The following OLFML2A variants were observed in gnomAD, a reference collection of about 807,000 sequenced individuals.
OLFML2A encodes the protein olfactomedin like 2A.
Under a neutral mutation model 60.9 loss-of-function variants are expected in OLFML2A, and 47 were observed. That is an observed-to-expected ratio of 0.77 (90% CI 0.61 to 0.98). OLFML2A has a LOEUF of 0.98. Ranked by LOEUF, OLFML2A falls within the 50% of genes least tolerant of loss-of-function variation. OLFML2A has a pLI of 0.00. For synonymous variants in OLFML2A, 372 were observed against 375.0 expected (o/e 0.99, Z 0.09); for missense variants, 922 against 879.8 (o/e 1.05, Z -0.61).
Position 124,801,581 on chromosome 9 carries a change from C to T in OLFML2A, c.837C>T (p.Arg279=), listed in dbSNP as rs374490177. ...GSFLQPTAKP[R]ALAQQQAVIR... ...TCCTCCAGCCCACAGCCAAGCCCCG[C>T]GCCCTGGCCCAGCAGCAGGCTGTGA... Residue 279 remains arginine (R), a synonymous_variant, in exon 5 of 8, where the codon CGC becomes CGT. Transcript: ENST00000373580. 6.4e-5 allele frequency: 104 copies of T among 1,613,994 alleles called. No homozygotes were observed. The Middle Eastern group carries it at 2.1e-3, about 33-fold the overall frequency.
At chr9:124,808,928 G>C (rs1363698721) in intron 7 of OLFML2A, among the ~76,000 whole-genome samples, 1 of 151,908 alleles carries the variant, frequency 6.6e-6, no homozygotes, top group Non-Finnish European at 1.5e-5. Flanking sequence ...GGCTGAGGTG[G>C]GCTGATCACT....
intron 6 of OLFML2A, among the ~76,000 whole-genome samples, chr9:124,804,893 G>A (rs565642337): frequency 4.2e-4 from 64 of 151,968 alleles, no homozygotes; most frequent in African/African-American, 1.5e-3. Flanking sequence ...ATTTTTAGTA[G>A]AGACAGGGTT....
intron 2 of OLFML2A, among the ~76,000 whole-genome samples, chr9:124,792,487 G>GC (rs1162499557): frequency 6.6e-6 from 1 of 152,218 alleles, no homozygotes; most frequent in Non-Finnish European, 1.5e-5. Flanking sequence ...AGACCAGGGT[G>GC]CCCCTTGGTC....
chr9:124,777,806 G>A lies in OLFML2A; in HGVS notation c.90+446G>A, dbSNP rs1025746043. 1.3e-5 allele frequency among the ~76,000 whole-genome samples: 2 copies of A among 152,130 alleles called. No individual in the cohort carries two copies. The highest frequency in any genetic ancestry group is 2.9e-5 in the Non-Finnish European group (2 of 68,006). The stretch of plus-strand genomic sequence containing the variant: ...ACGCAGCCGCGCTGGCCACTCGCCT[G>A]GCCTCTGATGTTCTTGCCAGGGACC... On this transcript the variant is annotated intron_variant, in intron 1 of 7. Transcript: ENST00000373580. The surrounding 1 kb of genome is among the most constrained non-coding windows in gnomAD (Gnocchi z 6.2).
At position 124,807,964 on chromosome 9, in the gene OLFML2A, A is replaced by C. The variant is rs1253864997; in HGVS notation, c.1352A>C (p.Gln451Pro). ...VEFRNLENFK[Q>P]GRWSNMYKLP... ...TTCCGCAACCTGGAAAACTTCAAGC[A>C]AGGTCAGGGACCCCCGGAGGTGGAG... is the stretch of plus-strand genomic sequence containing the variant. Residue 451 changes from glutamine to proline, a missense_variant and splice_region_variant, in exon 7 of 8, where the codon CAA becomes CCA. Gln to Pro is a moderately conservative substitution (Grantham distance 76, BLOSUM62 -1). Coordinates refer to ENST00000373580, the MANE Select transcript of OLFML2A (RefSeq NM_182487.4). 2 of 1,613,594 alleles carry C rather than the reference A, an allele frequency of 1.2e-6. No homozygotes were observed. Among genetic ancestry groups the C allele is most frequent in the Non-Finnish European group, 1.7e-6 (2 of 1,179,558 alleles).
At chr9:124,804,036 A>G in intron 5 of OLFML2A, 58 bp from the exon 6 acceptor site, 1 of 1,586,288 alleles carries the variant, frequency 6.3e-7, no homozygotes, top group East Asian at 2.2e-5. Context: ...GACCTTAGGG[A>G]GACCCACACG....
chr9:124,807,661 G>A, intron 6 of OLFML2A, 120 bp from the exon 7 acceptor site: 2 of 701,972 alleles, frequency 2.8e-6, no homozygotes, highest in Non-Finnish European at 4.6e-6. Flanking sequence ...GGGGAAAGAA[G>A]GCCACAAACA....
chr9:124,802,388 C>G (rs1841795336), intron 5 of OLFML2A, among the ~76,000 whole-genome samples: 1 of 152,230 alleles, frequency 6.6e-6, no homozygotes, highest in Admixed American at 6.5e-5. Context: ...CTGCTGACCA[C>G]CTCCTCCTGC....
In OLFML2A at chr9:124,793,472, TA is replaced by T. The variant is rs531675892; in HGVS notation, c.355-1549del. ...CCGTCTGACCATGACACAGGAGCCA[TA>T]AAGCATGATAGGAAAGAGACGGTGA... On this transcript the variant is annotated intron_variant, in intron 2 of 7. Transcript: ENST00000373580. Among the ~76,000 whole-genome samples, 126 of 152,246 alleles carry T rather than the reference TA, an allele frequency of 8.3e-4. 2 individuals are homozygous for T. Among genetic ancestry groups the T allele is most frequent in the African/African-American group, 2.4e-3 (98 of 41,564 alleles).
intron 7 of OLFML2A, 39 bp from the exon 8 acceptor site, chr9:124,809,769 G>C: frequency 2.6e-6 from 4 of 1,554,692 alleles, no homozygotes; most frequent in Non-Finnish European, 3.5e-6. Flanking sequence ...GGCTGGGGTT[G>C]CTCGGGAGGT....
chr9:124,797,486 G>A (rs937288229), intron 3 of OLFML2A, among the ~76,000 whole-genome samples: 6 of 152,164 alleles, frequency 3.9e-5, no homozygotes, highest in African/African-American at 1.2e-4. Flanking sequence ...TCCGACTCCT[G>A]CCTGCTGCCT....
At position 124,810,458 on chromosome 9, in the gene OLFML2A, C is replaced by T. The variant is rs762207337; in HGVS notation, c.*46C>T. 7.2e-6 allele frequency: 11 copies of T among 1,528,782 alleles called. No homozygotes were observed. The East Asian group carries it at 1.6e-4, about 22-fold the overall frequency. 94.7% of individuals were successfully genotyped at this position (1,528,782 alleles called of 1,614,324 possible). ...GAGAGGGGCAGCAGTGCGGGAGGGGCTTTGCACAGCAGCTCCTGCAACTGA... is the reference window on the plus strand; with the variant it reads ...GAGAGGGGCAGCAGTGCGGGAGGGGTTTTGCACAGCAGCTCCTGCAACTGA... On this transcript the variant is annotated 3_prime_UTR_variant, in exon 8 of 8. Transcript: ENST00000373580.
chr9:124,805,850 C>T (rs530487245), intron 6 of OLFML2A, among the ~76,000 whole-genome samples: 1 of 108,096 alleles, frequency 9.3e-6, no homozygotes, highest in South Asian at 3.3e-4. Context: ...GAGTCTGACT[C>T]TGCGGTCCAG....
In OLFML2A at chr9:124,812,733, A is replaced by C. The variant is rs1289818231; in HGVS notation, c.*2321A>C. On this transcript the variant is annotated 3_prime_UTR_variant, in exon 8 of 8. Coordinates refer to ENST00000373580, the MANE Select transcript of OLFML2A (RefSeq NM_182487.4). ...GTGTCTTTCATGACATCATAGCCCA[A>C]CCATGTGAGAAGAAGGAGAAGGCCC... 2 of 152,164 alleles carry C rather than the reference A, an allele frequency of 1.3e-5. No homozygotes were observed. The highest frequency in any genetic ancestry group is 1.3e-4 in the Admixed American group (2 of 15,272). The allele number at this position is 152,164 out of a possible 1,614,324, so 9.4% of individuals were successfully genotyped here.
In OLFML2A at chr9:124,809,810, C is replaced by T. The variant is rs140519605; in HGVS notation, c.1357C>T (p.Arg453Cys). 1.8e-5 allele frequency: 28 copies of T among 1,596,542 alleles called. No homozygotes were observed. Among genetic ancestry groups the T allele is most frequent in the Admixed American group, 8.4e-5 (5 of 59,254 alleles). ...FRNLENFKQG[R>C]WSNMYKLPYN... Reference sequence around the variant, plus strand: ...GTGACCATCGCCCTCGCCTGCAGGCCGCTGGAGTAACATGTACAAGCTACC... The same window carrying T: ...GTGACCATCGCCCTCGCCTGCAGGCTGCTGGAGTAACATGTACAAGCTACC... The change falls in exon 8 of 8, where the codon CGC becomes TGC. Residue 453 changes from arginine (R) to cysteine (C), a missense_variant and splice_region_variant. Arg to Cys is a radical substitution (Grantham distance 180, BLOSUM62 -3). Coordinates refer to ENST00000373580, the MANE Select transcript of OLFML2A (RefSeq NM_182487.4).
At chr9:124,801,131 A>G (rs1205713147) in intron 4 of OLFML2A, 93 of 1,394,482 alleles carry the variant, frequency 6.7e-5, no homozygotes, top group Non-Finnish European at 8.4e-5. Flanking sequence ...CCTGCCCCCC[A>G]GGGGGATTGG....
Position 124,777,199 on chromosome 9 carries a change from G to T in OLFML2A, c.-72G>T. On this transcript the variant is annotated 5_prime_UTR_variant, in exon 1 of 8. Coordinates refer to ENST00000373580, the MANE Select transcript of OLFML2A (RefSeq NM_182487.4). This position sits in a 1 kb window ranked among gnomAD's most constrained non-coding sequence, Gnocchi z 6.2. ...GGGCAGGCAGAGCGGGCGAAGGCGC[G>T]GAGCTCGCAGTGCAGCCCGCGCTTC... 1 of 522,608 alleles carries T rather than the reference G, an allele frequency of 1.9e-6. No homozygotes were observed. Among genetic ancestry groups the T allele is most frequent in the Non-Finnish European group, 2.9e-6 (1 of 350,116 alleles). The allele number at this position is 522,608 out of a possible 1,614,324, so 32.4% of individuals were successfully genotyped here.
chr9:124,779,428 G>A lies in OLFML2A; in HGVS notation c.90+2068G>A, dbSNP rs548436772. On this transcript the variant is annotated intron_variant, in intron 1 of 7. Transcript: ENST00000373580. The surrounding 1 kb of genome is among the most constrained non-coding windows in gnomAD (Gnocchi z 4.1). ...TGGTGTTGGGCATCGTCTGTGCAGA[G>A]AGCTGTAGAGCTTGTGGGGGAGAGC... Among the ~76,000 whole-genome samples the A allele has an allele frequency of 6.6e-6, 1 of 152,298 alleles. No individual in the cohort carries two copies. The highest frequency in any genetic ancestry group is 1.9e-4 in the East Asian group (1 of 5,186).
At position 124,809,870 on chromosome 9, in the gene OLFML2A, C is replaced by T. The variant is rs1841968193; in HGVS notation, c.1417C>T (p.Gln473Ter). The T allele has an allele frequency of 6.2e-7, 1 of 1,614,114 alleles. No individual in the cohort carries two copies. ...NWIGTGHVVY[Q>*]GAFYYNRAFT... ...GATCGGCACAGGCCACGTGGTGTAC[C>T]AGGGCGCCTTCTACTACAACCGCGC... The change falls in exon 8 of 8, where the codon CAG becomes TAG. Residue 473 changes from glutamine (Q) to a stop codon, truncating the protein, a stop_gained. Coordinates refer to ENST00000373580, the MANE Select transcript of OLFML2A (RefSeq NM_182487.4). LOFTEE classifies it high-confidence loss of function.
Sources: gnomAD v4.1 joint callset for allele counts (sites outside exome capture counted in the v4.1 genomes callset) on GRCh38, gnomAD v4.1.1 for gene constraint, Gnocchi (gnomAD v3.1) non-coding constraint, MANE v1.5 for transcripts, NCBI Gene and HGNC (gene_info 2026-07-23, HGNC 2026-07-21) for gene names.